CDH12: variants seen among roughly 807,000 people sequenced by gnomAD.
The protein encoded by CDH12 is cadherin 12, also known as cadherin-12.
CDH12 carries 41 observed loss-of-function variants against 74.1 expected under a neutral mutation model. The observed-to-expected ratio is 0.55, with a 90% CI of 0.43 to 0.72. The LOEUF is 0.72. Among genes scored for constraint, CDH12 ranks in the 30% least tolerant of loss-of-function variants. The probability of loss-of-function intolerance (pLI) is 0.00; values close to 1 mark genes in which losing one functional copy is unlikely to be tolerated. For synonymous variants in CDH12, 399 were observed against 355.0 expected, an observed-to-expected ratio of 1.12 and a Z score of -1.39; for missense variants, 945 against 977.2, an observed-to-expected ratio of 0.97 and a Z score of 0.44.
chr5:21,967,041 G>A (rs987672557), intron 6 of CDH12, among the ~76,000 whole-genome samples: 1 of 151,978 alleles, frequency 6.6e-6, no homozygotes, highest in African/African-American at 2.4e-5. Context: ...TCAGTGTCTG[G>A]TTGCTTCAAG....
intron 12 of CDH12, among the ~76,000 whole-genome samples, chr5:21,764,498 A>G (rs1015451495): frequency 6.6e-6 from 1 of 151,432 alleles, no homozygotes; most frequent in Non-Finnish European, 1.5e-5. Flanking sequence ...AAATACAAAA[A>G]ATTAGCTGGG....
chr5:22,127,478 GA>G (rs778116731), intron 4 of CDH12, among the ~76,000 whole-genome samples: 1,137 of 106,728 alleles, frequency 0.011, 22 homozygotes, highest in African/African-American at 0.039. Context: ...ACTCCATCTC[GA>G]AAAAAAAAAA....
intron 5 of CDH12, among the ~76,000 whole-genome samples, chr5:22,068,368 A>G (rs1460297376): frequency 6.6e-6 from 1 of 152,184 alleles, no homozygotes; most frequent in Non-Finnish European, 1.5e-5. Flanking sequence ...GTGGTTCTTC[A>G]TGATAAGCAA....
In CDH12 at chr5:21,773,504, C is replaced by T. The variant is rs926902156; in HGVS notation, c.1394-8405G>A. ...GAACATCAGACTCCAAGTTCTTCAG[C>T]TTATAAACTCTTGGACTTACACCAG... On this transcript the variant is annotated intron_variant, in intron 11 of 14. Coordinates refer to ENST00000382254, the MANE Select transcript of CDH12 (RefSeq NM_004061.5). Among the ~76,000 whole-genome samples the T allele has an allele frequency of 2.0e-5, 3 of 152,148 alleles. No homozygotes were observed. The East Asian group carries it at 5.8e-4, about 29-fold the overall frequency.
At chr5:22,796,272 T>C (rs969907256) in intron 1 of CDH12, among the ~76,000 whole-genome samples, 1 of 152,196 alleles carries the variant, frequency 6.6e-6, no homozygotes, top group African/African-American at 2.4e-5. Context: ...TTCCATACTC[T>C]TGTCCATAAT....
intron 5 of CDH12, among the ~76,000 whole-genome samples, chr5:22,061,995 AAGG>A (rs1741221161): frequency 6.6e-6 from 1 of 152,154 alleles, no homozygotes; most frequent in Non-Finnish European, 1.5e-5. Flanking sequence ...GTTAAAAGAA[AAGG>A]AAGGATTGAA....
At chr5:22,141,170 C>T (rs1328554646) in intron 4 of CDH12, 1 of 152,164 alleles carries the variant, frequency 6.6e-6, no homozygotes, top group Non-Finnish European at 1.5e-5. Context: ...ACTCACTGAG[C>T]TTCTACTATG....
At chr5:22,706,746 A>T (rs563146401) in intron 1 of CDH12, among the ~76,000 whole-genome samples, 1 of 152,128 alleles carries the variant, frequency 6.6e-6, no homozygotes. Flanking sequence ...TTAAATTTCC[A>T]TATTTGAATT....
chr5:21,860,686 T>G (rs1750997765), intron 6 of CDH12, among the ~76,000 whole-genome samples: 1 of 152,032 alleles, frequency 6.6e-6, no homozygotes, highest in Non-Finnish European at 1.5e-5. Context: ...ATCCGTCTCC[T>G]GTGCTAGATG....
At chr5:21,786,107 A>G (rs1348709733) in intron 10 of CDH12, among the ~76,000 whole-genome samples, 1 of 152,152 alleles carries the variant, frequency 6.6e-6, no homozygotes, top group Non-Finnish European at 1.5e-5. Flanking sequence ...TGTCTTACAA[A>G]TGGAACAACA....
intron 1 of CDH12, among the ~76,000 whole-genome samples, chr5:22,612,135 T>C (rs1345932269): frequency 2.0e-5 from 3 of 152,184 alleles, no homozygotes; most frequent in Non-Finnish European, 4.4e-5. Flanking sequence ...TAAATAGCCA[T>C]GTTTTTATAA....
At chr5:22,671,503 C>T (rs1056501011) in intron 1 of CDH12, among the ~76,000 whole-genome samples, 4 of 152,118 alleles carry the variant, frequency 2.6e-5, no homozygotes, top group Admixed American at 2.6e-4. Flanking sequence ...TATTTAGCAG[C>T]ATCACTGACT....
In CDH12 at chr5:21,817,028, TG is replaced by T; in HGVS notation, c.918del (p.Tyr306Ter). 1 of 1,612,822 alleles carries T rather than the reference TG, an allele frequency of 6.2e-7. No individual in the cohort carries two copies. The highest frequency in any genetic ancestry group is 8.5e-7 in the Non-Finnish European group (1 of 1,179,128). On this transcript the variant is annotated frameshift_variant, in exon 9 of 15. Transcript: ENST00000382254. LOFTEE classifies it high-confidence loss of function. ...PDFGQNAEIE[Y>X]NIVPGDGGNL... ...TTTCCCCCATCTCCTGGAACAATAT[TG>T]TATTCAATTTCTGCATTTTGTCCAA...
At chr5:21,959,934 A>T (rs1223125850) in intron 6 of CDH12, among the ~76,000 whole-genome samples, 1 of 150,564 alleles carries the variant, frequency 6.6e-6, no homozygotes, top group South Asian at 2.1e-4. Flanking sequence ...CAAAAAAAAA[A>T]AAAAAAAAAA....
intron 2 of CDH12, among the ~76,000 whole-genome samples, chr5:22,409,506 A>G (rs75989717): frequency 0.011 from 1,658 of 152,176 alleles, 34 homozygotes; most frequent in African/African-American, 0.038. Context: ...GGTTTGGAAT[A>G]CCATATTATA....
intron 2 of CDH12, among the ~76,000 whole-genome samples, chr5:22,461,473 A>G (rs547972371): frequency 6.8e-6 from 1 of 147,814 alleles, no homozygotes; most frequent in African/African-American, 2.6e-5. Context: ...ATCTATAGTT[A>G]AAAAAAAGCA....
chr5:21,845,024 T>TAGATAGATAGAC (rs1750087252), intron 7 of CDH12, among the ~76,000 whole-genome samples: 1 of 151,142 alleles, frequency 6.6e-6, no homozygotes, highest in Non-Finnish European at 1.5e-5. Context: ...GATAGATAGA[T>TAGATAGATAGAC]AGATAGATAG....
intron 3 of CDH12, among the ~76,000 whole-genome samples, chr5:22,367,487 T>C (rs2126328288): frequency 6.6e-6 from 1 of 152,292 alleles, no homozygotes; most frequent in Admixed American, 6.5e-5. Flanking sequence ...AGTTTCAGAA[T>C]TGGATTTGTG....
At chr5:22,136,585 A>G (rs1387437239) in intron 4 of CDH12, among the ~76,000 whole-genome samples, 3 of 151,248 alleles carry the variant, frequency 2.0e-5, no homozygotes, top group Non-Finnish European at 4.4e-5. Flanking sequence ...GCTTTGGTCA[A>G]TCCTCAATTA....
Sources: gnomAD v4.1 joint callset for allele counts (sites outside exome capture counted in the v4.1 genomes callset) on GRCh38, gnomAD v4.1.1 for gene constraint, MANE v1.5 for transcripts, NCBI Gene and HGNC (gene_info 2026-07-23, HGNC 2026-07-21) for gene names.